The following ZCWPW1 variants were observed in gnomAD, a reference collection of about 807,000 sequenced individuals.
The protein encoded by ZCWPW1 is zinc finger CW-type and PWWP domain containing 1, also known as zinc finger CW-type PWWP domain protein 1.
In ZCWPW1, 56 loss-of-function variants were observed where a neutral mutation model predicts 81.3. The ratio of observed to expected loss-of-function variants is 0.69; its 90% confidence interval spans 0.56 to 0.86. ZCWPW1 has a LOEUF of 0.86. Among genes scored for constraint, ZCWPW1 ranks in the 40% least tolerant of loss-of-function variants. The pLI is 0.00. For missense variants in ZCWPW1, 650 were observed against 769.8 expected, an observed-to-expected ratio of 0.84 and a Z score of 1.84; for synonymous variants, 250 against 273.7, an observed-to-expected ratio of 0.91 and a Z score of 0.86.
Position 100,417,110 on chromosome 7 carries a change from C to A in ZCWPW1, c.435G>T (p.Glu145Asp). 1 of 1,614,060 alleles carries A rather than the reference C, an allele frequency of 6.2e-7. No individual in the cohort carries two copies. The highest frequency in any genetic ancestry group is 8.5e-7 in the Non-Finnish European group (1 of 1,180,000). ...CAGTAGCAGAAGCAGTAATTCCTGG[C>A]TCCTTGTCTGATTGGGTAGATACTA... is the stretch of plus-strand genomic sequence containing the variant. ...QPVVSTQSDK[E>D]PGITASATDT... Residue 145 changes from glutamate to aspartate, a missense_variant, in exon 6 of 18, where the codon GAG becomes GAT. Transcript: ENST00000684423.
rs754982870 is a variant in ZCWPW1 at position 100,401,108 on chromosome 7, A to G, written c.1856T>C (p.Met619Thr). 2 of 1,614,152 alleles carry G rather than the reference A, an allele frequency of 1.2e-6. No individual in the cohort carries two copies. The highest frequency in any genetic ancestry group is 2.2e-5 in the East Asian group (1 of 44,880). ...ASSDLDLEQLMEDVGRELGQS... is the reference protein window; with the variant it reads ...ASSDLDLEQLTEDVGRELGQS... ...CCCCAGCTCTCTCCCAACATCTTCCATGAGTTGCTCCAGGTCCAGGTCACT... is the reference window on the plus strand; with the variant it reads ...CCCCAGCTCTCTCCCAACATCTTCCGTGAGTTGCTCCAGGTCCAGGTCACT... Residue 619 changes from methionine to threonine, a missense_variant, in exon 18 of 18, where the codon ATG becomes ACG. Physicochemically the swap from Met to Thr is moderately conservative, Grantham distance 81. Transcript: ENST00000684423.
At chr7:100,409,342 C>T (rs2286265) in intron 9 of ZCWPW1, 86 bp downstream of exon 9, 139,808 of 1,043,138 alleles carry the variant, frequency 0.13, 10,207 homozygotes, top group Non-Finnish European at 0.14. Flanking sequence ...ACTATATTTA[C>T]GTAGTATTTA....
intron 2 of ZCWPW1, among the ~76,000 whole-genome samples, chr7:100,423,853 G>A (rs1263580580): frequency 6.6e-6 from 1 of 152,008 alleles, no homozygotes; most frequent in South Asian, 2.1e-4. Flanking sequence ...TGGATCACCT[G>A]AGGTCAGGAG....
chr7:100,419,163 T>C lies in ZCWPW1; in HGVS notation c.309A>G (p.Glu103=). The change falls in exon 5 of 18, where the codon GAA becomes GAG. Residue 103 remains glutamate, a synonymous_variant. Coordinates refer to ENST00000684423, the MANE Select transcript of ZCWPW1 (RefSeq NM_001386010.1). ...EKEKSSLTNA[E]FEEIVQIVLQ... is the part of the protein sequence containing the mutation. ...GAACAATCTGGACAATCTCCTCAAA[T>C]TCTGCATTGGTAAGACTTGATTTTT... is the stretch of plus-strand genomic sequence containing the variant. The C allele has an allele frequency of 6.2e-7, 1 of 1,613,102 alleles. No individual in the cohort carries two copies. The highest frequency in any genetic ancestry group is 8.5e-7 in the Non-Finnish European group (1 of 1,179,586).
intron 2 of ZCWPW1, among the ~76,000 whole-genome samples, chr7:100,423,451 T>A (rs1482382694): frequency 6.6e-6 from 1 of 152,114 alleles, no homozygotes; most frequent in East Asian, 1.9e-4. Flanking sequence ...AGGTGTAGGG[T>A]TCCTCTCTCT....
At chr7:100,403,075 G>A (rs1792255228) in intron 15 of ZCWPW1, among the ~76,000 whole-genome samples, 1 of 152,052 alleles carries the variant, frequency 6.6e-6, no homozygotes, top group Non-Finnish European at 1.5e-5. Flanking sequence ...GGAAAGAAGA[G>A]ACTTAGAAAC....
At chr7:100,404,387 G>T (rs1584242937) in intron 13 of ZCWPW1, 143 bp from the exon 14 acceptor site, 2 of 764,058 alleles carry the variant, frequency 2.6e-6, no homozygotes, top group Non-Finnish European at 4.2e-6. Flanking sequence ...TTGAGACAGG[G>T]TCTTGCTCTG....
rs200632780 is a variant in ZCWPW1, at chr7:100,402,061, G to A, written c.1475-20C>T. On this transcript the variant is annotated intron_variant, in intron 16 of 17. Coordinates refer to ENST00000684423, the MANE Select transcript of ZCWPW1 (RefSeq NM_001386010.1). ...CAAGCCCTAGCCGTGAGGGAAATGC[G>A]TTTATTTCTCTCTAAACGACAACTC... 201 of 1,590,306 alleles carry A rather than the reference G, an allele frequency of 1.3e-4. No homozygotes were observed. The highest frequency in any genetic ancestry group is 1.5e-4 in the Non-Finnish European group (180 of 1,167,574).
intron 2 of ZCWPW1, among the ~76,000 whole-genome samples, chr7:100,421,365 C>T (rs1426504701): frequency 6.6e-6 from 1 of 152,178 alleles, no homozygotes; most frequent in East Asian, 1.9e-4. Flanking sequence ...TCATAAGCCT[C>T]TCCTAAACAC....
intron 8 of ZCWPW1, among the ~76,000 whole-genome samples, chr7:100,414,700 T>C (rs1442182132): frequency 1.3e-5 from 2 of 152,066 alleles, no homozygotes; most frequent in African/African-American, 2.4e-5. Context: ...CACTAGTATA[T>C]TGTATGATCT....
chr7:100,424,081 A>AT (rs1457075610), intron 2 of ZCWPW1, among the ~76,000 whole-genome samples: 2 of 151,938 alleles, frequency 1.3e-5, no homozygotes, highest in African/African-American at 4.8e-5. Flanking sequence ...AAAAAAAAAA[A>AT]AAAAAAAGAC....
rs756108877 is a variant in ZCWPW1 at position 100,401,927 on chromosome 7, C to T, written c.1589G>A (p.Arg530Lys). ...ATCTGAATTCCCTTGGCCTTCTTTC[C>T]TTCCCATTCTGGGTGCAGGAGGAGC... ...STAPPAPRMG[R>K]KEGQGNSDSD... The change falls in exon 17 of 18, where the codon AGG (arginine) becomes AAG (lysine). Residue 530 changes from arginine to lysine, a missense_variant. By Grantham distance (26) the Arg-to-Lys change is conservative. Transcript: ENST00000684423. 3 of 1,614,104 alleles carry T rather than the reference C, an allele frequency of 1.9e-6. No homozygotes were observed. Among genetic ancestry groups the T allele is most frequent in the South Asian group, 1.1e-5 (1 of 91,074 alleles).
intron 11 of ZCWPW1, 45 bp downstream of exon 11, chr7:100,407,183 T>C: frequency 1.3e-6 from 2 of 1,570,200 alleles, no homozygotes; most frequent in Non-Finnish European, 1.8e-6. Context: ...GATTTGTTCA[T>C]TACTTTGGCC....
intron 3 of ZCWPW1, among the ~76,000 whole-genome samples, chr7:100,420,245 C>CA (rs1442803553): frequency 1.3e-5 from 2 of 152,120 alleles, no homozygotes; most frequent in Non-Finnish European, 2.9e-5. Flanking sequence ...AAAATTAGAG[C>CA]AAATTTTTAA....
chr7:100,409,630 C>G, intron 8 of ZCWPW1, 86 bp from the exon 9 acceptor site: 1 of 940,702 alleles, frequency 1.1e-6, no homozygotes, highest in Non-Finnish European at 1.7e-6. Flanking sequence ...ACCCTCCCAA[C>G]TCCCAGAATG....
rs1036251680 is a variant in ZCWPW1, at chr7:100,427,451, G to A, written c.-137+1117C>T. On this transcript the variant is annotated intron_variant, in intron 1 of 17. Coordinates refer to ENST00000684423, the MANE Select transcript of ZCWPW1 (RefSeq NM_001386010.1). Reference sequence around the variant, plus strand: ...ACGGTGGCGCGTGCCTGTAATCCCAGCATTTTGGGAGGCCAAGGTGGGCGG... The same window carrying A: ...ACGGTGGCGCGTGCCTGTAATCCCAACATTTTGGGAGGCCAAGGTGGGCGG... Among the ~76,000 whole-genome samples the A allele has an allele frequency of 8.6e-5, 13 of 151,394 alleles. No individual in the cohort carries two copies. The East Asian group carries it at 2.2e-3, about 25-fold the overall frequency.
intron 2 of ZCWPW1, among the ~76,000 whole-genome samples, chr7:100,422,172 ATAT>A (rs542050064): frequency 6.6e-6 from 1 of 152,204 alleles, no homozygotes; most frequent in Non-Finnish European, 1.5e-5. Context: ...GGATTTAAAG[ATAT>A]TAAGTCATCG....
Position 100,417,184 on chromosome 7 carries a change from C to T in ZCWPW1, c.362-1G>A. On this transcript the variant is annotated splice_acceptor_variant, in intron 5 of 17. Coordinates refer to ENST00000684423, the MANE Select transcript of ZCWPW1 (RefSeq NM_001386010.1). LOFTEE classifies it high-confidence loss of function. Reference sequence around the variant, plus strand: ...GCAAAATCAAGGCCAGATCCCATCCCTCCCAAAACAAAATACTATAAGCAG... The same window carrying T: ...GCAAAATCAAGGCCAGATCCCATCCTTCCCAAAACAAAATACTATAAGCAG... The T allele has an allele frequency of 2.5e-6, 4 of 1,612,658 alleles. No homozygotes were observed. Among genetic ancestry groups the T allele is most frequent in the South Asian group, 1.1e-5 (1 of 90,892 alleles).
chr7:100,401,689 G>C (rs768090174), intron 17 of ZCWPW1, among the ~76,000 whole-genome samples, 200 bp downstream of exon 17: 10 of 152,202 alleles, frequency 6.6e-5, no homozygotes, highest in Non-Finnish European at 1.5e-4. Flanking sequence ...CCATTCTCCT[G>C]CCCCTGGGCC....
Sources: gnomAD v4.1 joint callset for allele counts (sites outside exome capture counted in the v4.1 genomes callset) on GRCh38, gnomAD v4.1.1 for gene constraint, MANE v1.5 for transcripts, NCBI Gene and HGNC (gene_info 2026-07-23, HGNC 2026-07-21) for gene names.